Variants in ST3GAL3 observed in about 807,000 individuals in gnomAD.
ST3GAL3 encodes the protein ST3 beta-galactoside alpha-2,3-sialyltransferase 3.
In ST3GAL3, 21 loss-of-function variants were observed where a neutral mutation model predicts 50.1. That is an observed-to-expected ratio of 0.42 (90% CI 0.30 to 0.60). The LOEUF is 0.60. Among genes scored for constraint, ST3GAL3 ranks in the 20% least tolerant of loss-of-function variants. The pLI is 0.19. For missense variants in ST3GAL3, 353 were observed against 489.4 expected, an observed-to-expected ratio of 0.72 and a Z score of 2.63; for synonymous variants, 183 against 190.0, an observed-to-expected ratio of 0.96 and a Z score of 0.30.
At chr1:43,878,720 G>T (rs1274964230) in intron 5 of ST3GAL3, among the ~76,000 whole-genome samples, 1 of 152,174 alleles carries the variant, frequency 6.6e-6, no homozygotes, top group South Asian at 2.1e-4. Context: ...GGAAGACATT[G>T]CCCATGTGGA....
chr1:43,907,022 A>G (rs923302116), intron 9 of ST3GAL3, among the ~76,000 whole-genome samples: 1 of 152,160 alleles, frequency 6.6e-6, no homozygotes, highest in Non-Finnish European at 1.5e-5. Context: ...GTCAGCTCCT[A>G]TCTGCCATGG....
rs2077892941 is a variant in ST3GAL3 at position 43,899,381 on chromosome 1, C to T, written c.557+118C>T. The T allele has an allele frequency of 6.3e-7, 1 of 1,595,324 alleles. No homozygotes were observed. Among genetic ancestry groups the T allele is most frequent in the Admixed American group, 1.8e-5 (1 of 56,952 alleles). ...TGGAGGTCAACGGAAGCCTCAAGAA[C>T]TCTGGGTTGGAGGGCTTTGGAACAG... On this transcript the variant is annotated intron_variant, in intron 8 of 11. Transcript: ENST00000347631. The surrounding 1 kb of genome is among the most constrained non-coding windows in gnomAD (Gnocchi z 5.4).
intron 2 of ST3GAL3, among the ~76,000 whole-genome samples, chr1:43,776,258 C>T (rs185518125): frequency 1.5e-3 from 228 of 152,314 alleles, no homozygotes; most frequent in African/African-American, 5.2e-3. Context: ...GATCTGCTTT[C>T]TGTCACCGTA....
intron 9 of ST3GAL3, among the ~76,000 whole-genome samples, chr1:43,918,119 C>CACTTTTT (rs2082384317): frequency 7.5e-6 from 1 of 133,904 alleles, no homozygotes; most frequent in Non-Finnish European, 1.5e-5. Context: ...TTTTCTTTCT[C>CACTTTTT]TTTTTTTTTT....
intron 9 of ST3GAL3, chr1:43,911,928 G>C (rs2081014150): frequency 6.6e-6 from 1 of 152,116 alleles, no homozygotes; most frequent in East Asian, 1.9e-4. Context: ...CAGTTCAAGT[G>C]ATCTGCCCAC....
At chr1:43,818,320 A>G (rs1285284786) in intron 4 of ST3GAL3, among the ~76,000 whole-genome samples, 1 of 152,232 alleles carries the variant, frequency 6.6e-6, no homozygotes, top group Non-Finnish European at 1.5e-5. Flanking sequence ...AGTGCTGAGT[A>G]TGTCATGGCA....
intron 1 of ST3GAL3, among the ~76,000 whole-genome samples, chr1:43,731,876 C>T (rs1466677281): frequency 6.6e-6 from 1 of 152,046 alleles, no homozygotes; most frequent in Non-Finnish European, 1.5e-5. Flanking sequence ...CAGGGTCCTA[C>T]TGTGTTGCCC....
At chr1:43,710,898 T>C (rs1031086181) in intron 1 of ST3GAL3, among the ~76,000 whole-genome samples, 1 of 152,242 alleles carries the variant, frequency 6.6e-6, no homozygotes, top group Non-Finnish European at 1.5e-5. Flanking sequence ...ATCCTGCTTC[T>C]ACCCACAGTA....
chr1:43,776,875 T>A (rs1697450166), intron 2 of ST3GAL3, among the ~76,000 whole-genome samples: 1 of 152,216 alleles, frequency 6.6e-6, no homozygotes, highest in African/African-American at 2.4e-5. Flanking sequence ...TGAGAAAGTA[T>A]AAAGACTTTG....
At chr1:43,909,429 C>T (rs536193087) in intron 9 of ST3GAL3, among the ~76,000 whole-genome samples, 38 of 152,342 alleles carry the variant, frequency 2.5e-4, no homozygotes, top group Admixed American at 1.2e-3. Flanking sequence ...CAGTCCCTGG[C>T]GCTCTGCCTT....
At chr1:43,722,517 AT>A (rs1670972960) in intron 1 of ST3GAL3, among the ~76,000 whole-genome samples, 1 of 152,184 alleles carries the variant, frequency 6.6e-6, no homozygotes, top group African/African-American at 2.4e-5. Context: ...TGTGTGGAGA[AT>A]GAATTGGGCA....
intron 5 of ST3GAL3, among the ~76,000 whole-genome samples, chr1:43,866,287 T>C (rs2071308021): frequency 6.6e-6 from 1 of 151,904 alleles, no homozygotes; most frequent in East Asian, 1.9e-4. Context: ...TTGAAGGAGG[T>C]GATTTTTTTT....
At chr1:43,876,754 G>A (rs1460940827) in intron 5 of ST3GAL3, among the ~76,000 whole-genome samples, 3 of 152,194 alleles carry the variant, frequency 2.0e-5, no homozygotes, top group South Asian at 2.1e-4. Context: ...GTGGATGGAC[G>A]AATGTGAAAG....
chr1:43,755,852 GC>G (rs1360593681), intron 2 of ST3GAL3, among the ~76,000 whole-genome samples: 1 of 152,018 alleles, frequency 6.6e-6, no homozygotes, highest in African/African-American at 2.4e-5. Context: ...GGCTCCTAGT[GC>G]TTTGGGGGGC....
chr1:43,826,930 A>C (rs2062879809), intron 4 of ST3GAL3, among the ~76,000 whole-genome samples: 1 of 152,212 alleles, frequency 6.6e-6, no homozygotes, highest in African/African-American at 2.4e-5. Flanking sequence ...TCAGCAAACT[A>C]TGAGTAGAGG....
In ST3GAL3 at chr1:43,930,189, C is replaced by G; in HGVS notation, c.1096C>G (p.Arg366Gly). 1 of 1,613,992 alleles carries G rather than the reference C, an allele frequency of 6.2e-7. No individual in the cohort carries two copies. Among genetic ancestry groups the G allele is most frequent in the African/African-American group, 1.3e-5 (1 of 75,056 alleles). Residue 366 changes from arginine to glycine, a missense_variant, in exon 12 of 12, where the codon CGC becomes GGC. By Grantham distance (125) the Arg-to-Gly change is moderately radical. Coordinates refer to ENST00000347631, the MANE Select transcript of ST3GAL3 (RefSeq NM_006279.5). Reference sequence around the variant, plus strand: ...GTTTCTGCGGAAGCTGGTGAAAGCTCGCGTCATCACTGATCTAAGCAGTGG... The same window carrying G: ...GTTTCTGCGGAAGCTGGTGAAAGCTGGCGTCATCACTGATCTAAGCAGTGG... ...KEFLRKLVKARVITDLSSGI is the reference protein window; with the variant it reads ...KEFLRKLVKAGVITDLSSGI
At chr1:43,821,261 T>C (rs1558456176) in intron 4 of ST3GAL3, among the ~76,000 whole-genome samples, 1 of 152,126 alleles carries the variant, frequency 6.6e-6, no homozygotes, top group South Asian at 2.1e-4. Flanking sequence ...TGGTTGTTTG[T>C]TTTTTTATAA....
rs189260687 is a variant in ST3GAL3, at chr1:43,719,925, T to A, written c.-31+12232T>A. On this transcript the variant is annotated intron_variant, in intron 1 of 11. Coordinates refer to ENST00000347631, the MANE Select transcript of ST3GAL3 (RefSeq NM_006279.5). ...TCCAGCCTGAGCAACAGAGCAAGAC[T>A]CTGTCTCAGAAAAAAAAAAAAAAAA... 3.1e-3 allele frequency among the ~76,000 whole-genome samples: 315 copies of A among 100,298 alleles called. 4 individuals are homozygous for A. The highest frequency in any genetic ancestry group is 0.012 in the African/African-American group (302 of 25,586). The allele number at this position is 100,298 out of a possible 152,430, so 65.8% of individuals were successfully genotyped here.
chr1:43,876,581 A>G (rs140924586), intron 5 of ST3GAL3, among the ~76,000 whole-genome samples: 9 of 152,316 alleles, frequency 5.9e-5, no homozygotes, highest in African/African-American at 9.6e-5. Flanking sequence ...AGATCTTCCA[A>G]TGAAGGGACA....
Sources: gnomAD v4.1 joint callset for allele counts (sites outside exome capture counted in the v4.1 genomes callset) on GRCh38, gnomAD v4.1.1 for gene constraint, Gnocchi (gnomAD v3.1) non-coding constraint, MANE v1.5 for transcripts, NCBI Gene and HGNC (gene_info 2026-07-23, HGNC 2026-07-21) for gene names.